The following PCDHGB5 variants were observed in gnomAD, a reference collection of about 807,000 sequenced individuals.
The protein encoded by PCDHGB5 is protocadherin gamma-B5.
A neutral mutation model predicts 62.9 loss-of-function variants in PCDHGB5; 48 were observed. The ratio of observed to expected loss-of-function variants is 0.76; its 90% CI spans 0.61 to 0.97. The LOEUF is 0.97. Ranked by LOEUF, PCDHGB5 falls within the 50% of genes least tolerant of loss-of-function variation. The pLI, the probability that PCDHGB5 is intolerant of heterozygous loss-of-function variation, is 0.00. For synonymous variants in PCDHGB5, 474 were observed against 511.2 expected (o/e 0.93, Z 0.98); for missense variants, 1,118 against 1,198.6 (o/e 0.93, Z 0.99).
chr5:141,499,616 C>T (rs538268323), intron 2 of PCDHGB5, among the ~76,000 whole-genome samples: 2 of 152,058 alleles, frequency 1.3e-5, no homozygotes, highest in South Asian at 4.2e-4. Context: ...CTTATCCTGT[C>T]CTTGGATTCT....
Position 141,433,362 on chromosome 5 carries a change from T to G in PCDHGB5, c.2397+32838T>G, listed in dbSNP as rs1285511534. ...GTGCAAGCCACCTACTGTCTGCCTA[T>G]CTATCTATCTATCTATCTATCTATC... On this transcript the variant is annotated intron_variant, in intron 1 of 3. Transcript: ENST00000617380. 4 of 299,814 alleles carry G rather than the reference T, an allele frequency of 1.3e-5. No individual in the cohort carries two copies. In the East Asian group the frequency reaches 1.8e-4, roughly 14 times the overall value. 18.6% of individuals were successfully genotyped at this position (299,814 alleles called of 1,614,324 possible). A position where few individuals can be genotyped will look rare whatever the true frequency, so the allele number is the denominator to read the frequency against.
At position 141,485,791 on chromosome 5, in the gene PCDHGB5, G is replaced by A; in HGVS notation, c.2398-9016G>A. The A allele has an allele frequency of 6.2e-7, 1 of 1,614,196 alleles. No homozygotes were observed. The highest frequency in any genetic ancestry group is 8.5e-7 in the Non-Finnish European group (1 of 1,180,032). ...AGCCTTTGGATCGAGAGAAGCAATC[G>A]GACTACCGCCTGGTGCTGACTGCTG... On this transcript the variant is annotated intron_variant, in intron 1 of 3. Transcript: ENST00000617380. The surrounding 1 kb of genome is among the most constrained non-coding windows in gnomAD (Gnocchi z 5.7).
At chr5:141,408,967 G>GC in intron 1 of PCDHGB5, 2 of 1,613,782 alleles carry the variant, frequency 1.2e-6, no homozygotes, top group Non-Finnish European at 1.7e-6. Context: ...GTGAAAATCT[G>GC]CCCCCTGGGT....
At chr5:141,422,032 G>A in intron 1 of PCDHGB5, 1 of 1,611,280 alleles carries the variant, frequency 6.2e-7, no homozygotes, top group Non-Finnish European at 8.5e-7. Context: ...TAATGCAACG[G>A]ATCCAGACGA....
At chr5:141,430,782 G>A (rs1220976669) in intron 1 of PCDHGB5, 2 of 1,510,858 alleles carry the variant, frequency 1.3e-6, no homozygotes, top group Non-Finnish European at 1.8e-6. Flanking sequence ...CGACTGCACC[G>A]GGACTACAAA....
intron 1 of PCDHGB5, chr5:141,441,346 G>A (rs1265971154): frequency 2.0e-5 from 3 of 152,340 alleles, no homozygotes; most frequent in African/African-American, 7.2e-5. Context: ...TTAACTACAT[G>A]CTTGTAACAA....
chr5:141,438,811 G>T (rs2098067148), intron 1 of PCDHGB5, among the ~76,000 whole-genome samples: 1 of 149,790 alleles, frequency 6.7e-6, no homozygotes, highest in East Asian at 2.0e-4. Context: ...ACAGGCGCCT[G>T]TCACCATGCC....
At chr5:141,404,102 T>C (rs1288980459) in intron 1 of PCDHGB5, 16 of 1,613,462 alleles carry the variant, frequency 9.9e-6, no homozygotes, top group Non-Finnish European at 8.5e-7. Context: ...TCAAGTTGTC[T>C]GTTCTATCCA....
Position 141,406,737 on chromosome 5 carries a change from T to C in PCDHGB5, c.2397+6213T>C, listed in dbSNP as rs540886306. 1.1e-4 allele frequency among the ~76,000 whole-genome samples: 16 copies of C among 152,348 alleles called. No homozygotes were observed. The South Asian group carries it at 3.3e-3, about 32-fold the overall frequency. ...AAGAGAAGTTTCTAAGACTGGACAC[T>C]GTGAAATGACAAAACAAGGAATTAA... On this transcript the variant is annotated intron_variant, in intron 1 of 3. Coordinates refer to ENST00000617380, the MANE Select transcript of PCDHGB5 (RefSeq NM_018925.3).
At chr5:141,426,898 C>T (rs1246109323) in intron 1 of PCDHGB5, 1 of 456,634 alleles carries the variant, frequency 2.2e-6, no homozygotes, top group African/African-American at 2.0e-5. Flanking sequence ...CAACAGAGCT[C>T]TCATCTCCTG....
chr5:141,485,358 G>A lies in PCDHGB5; in HGVS notation c.2398-9449G>A, dbSNP rs372994272. The A allele has an allele frequency of 1.2e-6, 2 of 1,614,100 alleles. No homozygotes were observed. Among genetic ancestry groups the A allele is most frequent in the Admixed American group, 3.3e-5 (2 of 60,002 alleles). ...CTGGATACGGACAGTCTGTCAGCTC[G>A]CAGGCTGCAGGTCGCTGGAGAGGTG... is the stretch of plus-strand genomic sequence containing the variant. On this transcript the variant is annotated intron_variant, in intron 1 of 3. Transcript: ENST00000617380. This position sits in a 1 kb window ranked among gnomAD's most constrained non-coding sequence, Gnocchi z 5.7.
Position 141,413,187 on chromosome 5 carries a change from A to G in PCDHGB5, c.2397+12663A>G, listed in dbSNP as rs778441437. The G allele has an allele frequency of 6.2e-6, 10 of 1,606,328 alleles. No individual in the cohort carries two copies. The African/African-American group carries it at 1.3e-4, about 22-fold the overall frequency. On this transcript the variant is annotated intron_variant, in intron 1 of 3. Transcript: ENST00000617380. Reference sequence around the variant, plus strand: ...GTAACCAGACTACAATGGCCGCTCAAAGGAATCGCTCAAAGGAATCAAAGG... The same window carrying G: ...GTAACCAGACTACAATGGCCGCTCAGAGGAATCGCTCAAAGGAATCAAAGG...
At chr5:141,506,226 G>A (rs1248069119) in intron 3 of PCDHGB5, among the ~76,000 whole-genome samples, 3 of 152,152 alleles carry the variant, frequency 2.0e-5, no homozygotes, top group Non-Finnish European at 1.5e-5. Flanking sequence ...TGAGGCAGGA[G>A]GATCATGAGG....
chr5:141,464,853 C>A (rs1441161135), intron 1 of PCDHGB5, among the ~76,000 whole-genome samples: 1 of 151,778 alleles, frequency 6.6e-6, no homozygotes, highest in East Asian at 1.9e-4. Flanking sequence ...ATCCTCCTAC[C>A]TTAGCCTCCC....
At chr5:141,430,902 T>C (rs373775073) in intron 1 of PCDHGB5, 4 of 1,606,232 alleles carry the variant, frequency 2.5e-6, no homozygotes, top group Admixed American at 3.4e-5. Context: ...GTGGGCGACA[T>C]CTCCAGGGAC....
chr5:141,486,985 T>C lies in PCDHGB5; in HGVS notation c.2398-7822T>C. On this transcript the variant is annotated intron_variant, in intron 1 of 3. Coordinates refer to ENST00000617380, the MANE Select transcript of PCDHGB5 (RefSeq NM_018925.3). The surrounding 1 kb of genome is among the most constrained non-coding windows in gnomAD (Gnocchi z 5.0). ...TGGACTTGGATTCAGGTTACAATGC[T>C]TGGGTTTCCTATCAGCTCCTGGAGG... 1 of 1,614,208 alleles carries C rather than the reference T, an allele frequency of 6.2e-7. No individual in the cohort carries two copies. The highest frequency in any genetic ancestry group is 8.5e-7 in the Non-Finnish European group (1 of 1,180,040).
chr5:141,433,176 T>A, intron 1 of PCDHGB5: 1 of 1,610,288 alleles, frequency 6.2e-7, no homozygotes, highest in Non-Finnish European at 8.5e-7. Flanking sequence ...AGTCATGGGT[T>A]AATTGAGGTG....
In PCDHGB5 at chr5:141,490,692, G is replaced by C. The variant is rs751109998; in HGVS notation, c.2398-4115G>C. 16 of 1,614,154 alleles carry C rather than the reference G, an allele frequency of 9.9e-6. 1 individual carries two copies. The Middle Eastern group carries it at 6.6e-4, about 67-fold the overall frequency. ...TGGCTGCCTCAGATCCAGACACTGG[G>C]GATAATGCCCGCCTCACCTACTCCA... On this transcript the variant is annotated intron_variant, in intron 1 of 3. Transcript: ENST00000617380. This position sits in a 1 kb window ranked among gnomAD's most constrained non-coding sequence, Gnocchi z 5.4.
chr5:141,489,635 G>T lies in PCDHGB5; in HGVS notation c.2398-5172G>T, dbSNP rs1380466520. On this transcript the variant is annotated intron_variant, in intron 1 of 3. Coordinates refer to ENST00000617380, the MANE Select transcript of PCDHGB5 (RefSeq NM_018925.3). This position sits in a 1 kb window ranked among gnomAD's most constrained non-coding sequence, Gnocchi z 4.5. ...CTGGATCTCAATGACAACTCTCCTA[G>T]CTTTGCCACCCCTGAGCGAGAGATG... 1.2e-6 allele frequency: 2 copies of T among 1,614,024 alleles called. No homozygotes were observed. The highest frequency in any genetic ancestry group is 2.7e-5 in the African/African-American group (2 of 74,908).
Sources: allele counts gnomAD v4.1 joint callset (sites outside exome capture counted in the v4.1 genomes callset), GRCh38; gene constraint gnomAD v4.1.1; non-coding constraint Gnocchi (gnomAD v3.1); transcripts MANE v1.5; gene names NCBI Gene and HGNC (gene_info 2026-07-23, HGNC 2026-07-21).